TSPAN5: variants seen among roughly 807,000 people sequenced by gnomAD.
TSPAN5 encodes the protein tetraspanin-5.
In TSPAN5, 10 loss-of-function variants were observed where a neutral mutation model predicts 37.1. That is an observed-to-expected ratio of 0.27 (90% CI 0.17 to 0.46). The LOEUF is 0.46. Among genes scored for constraint, TSPAN5 ranks in the 20% least tolerant of loss-of-function variants. The pLI, the probability that TSPAN5 is intolerant of heterozygous loss-of-function variation, is 1.00. For synonymous variants in TSPAN5, 110 were observed against 118.9 expected (o/e 0.93, Z 0.48); for missense variants, 195 against 326.6 (o/e 0.60, Z 3.11).
intron 1 of TSPAN5, among the ~76,000 whole-genome samples, chr4:98,644,561 G>T (rs563193903): frequency 6.6e-6 from 1 of 151,856 alleles, no homozygotes; most frequent in South Asian, 2.1e-4. Context: ...CAATGTGCAG[G>T]TTACATATGT....
chr4:98,623,956 C>G (rs1303572090), intron 1 of TSPAN5, among the ~76,000 whole-genome samples: 2 of 152,046 alleles, frequency 1.3e-5, no homozygotes, highest in East Asian at 3.8e-4. Context: ...TAAGGTAAGC[C>G]TATGTCAGGT....
At chr4:98,536,567 G>A (rs529184590) in intron 1 of TSPAN5, among the ~76,000 whole-genome samples, 12 of 152,364 alleles carry the variant, frequency 7.9e-5, no homozygotes, top group African/African-American at 2.6e-4. Context: ...TGTCAGGCAG[G>A]GACATTTAAG....
At chr4:98,562,240 T>C (rs577453923) in intron 1 of TSPAN5, among the ~76,000 whole-genome samples, 26 of 152,246 alleles carry the variant, frequency 1.7e-4, no homozygotes, top group Non-Finnish European at 3.1e-4. Context: ...AGCATTCTAG[T>C]TGAAACATGC....
At chr4:98,496,215 A>G (rs1341262929) in intron 2 of TSPAN5, 1 of 152,264 alleles carries the variant, frequency 6.6e-6, no homozygotes, top group Non-Finnish European at 1.5e-5. Context: ...AATAGAGACC[A>G]CAGGGCCACA....
intron 1 of TSPAN5, among the ~76,000 whole-genome samples, chr4:98,612,868 G>A (rs1035991305): frequency 7.2e-5 from 11 of 152,160 alleles, no homozygotes; most frequent in East Asian, 1.9e-4. Flanking sequence ...TTTCAGCTGC[G>A]GTCTCACTTC....
intron 2 of TSPAN5, among the ~76,000 whole-genome samples, chr4:98,501,170 T>A (rs1410805906): frequency 6.6e-6 from 1 of 152,210 alleles, no homozygotes; most frequent in Non-Finnish European, 1.5e-5. Context: ...GAGAAGTAAT[T>A]TTCTTCTTTT....
chr4:98,645,003 G>A (rs1369037913), intron 1 of TSPAN5, among the ~76,000 whole-genome samples: 1 of 152,210 alleles, frequency 6.6e-6, no homozygotes, highest in Non-Finnish European at 1.5e-5. Context: ...ATGCCTTGCT[G>A]CAAATTACTT....
chr4:98,653,781 T>A (rs1446743298), intron 1 of TSPAN5, among the ~76,000 whole-genome samples: 1 of 152,226 alleles, frequency 6.6e-6, no homozygotes, highest in Non-Finnish European at 1.5e-5. Context: ...ATCTTTCCTT[T>A]ATAAACAAGA....
chr4:98,507,865 A>G (rs987941291), intron 1 of TSPAN5, 137 bp from the exon 2 acceptor site: 24 of 612,500 alleles, frequency 3.9e-5, no homozygotes, highest in African/African-American at 9.3e-5. Flanking sequence ...TATCTTTACC[A>G]GGAAAATAAA....
intron 3 of TSPAN5, chr4:98,483,996 G>T: frequency 5.6e-6 from 1 of 178,714 alleles, no homozygotes; most frequent in Non-Finnish European, 1.2e-5. Flanking sequence ...ATTATAGCTA[G>T]CATGCATGAG....
chr4:98,622,766 G>GC (rs1183647514), intron 1 of TSPAN5, among the ~76,000 whole-genome samples: 1 of 152,182 alleles, frequency 6.6e-6, no homozygotes, highest in Non-Finnish European at 1.5e-5. Context: ...CAGGTCATGG[G>GC]CATGGAAGAG....
intron 1 of TSPAN5, among the ~76,000 whole-genome samples, chr4:98,591,474 T>C (rs1755630864): frequency 1.2e-5 from 1 of 86,524 alleles, no homozygotes; most frequent in Non-Finnish European, 2.2e-5. Context: ...AGTTATTTTG[T>C]TCAGTATGGT....
intron 1 of TSPAN5, among the ~76,000 whole-genome samples, chr4:98,644,599 C>T (rs114797658): frequency 0.016 from 2,484 of 152,056 alleles, 82 homozygotes; most frequent in African/African-American, 0.057. Context: ...GTGCGCTGCA[C>T]CCACTAACTC....
At chr4:98,529,230 A>G (rs1754026746) in intron 1 of TSPAN5, among the ~76,000 whole-genome samples, 1 of 152,182 alleles carries the variant, frequency 6.6e-6, no homozygotes, top group African/African-American at 2.4e-5. Context: ...AGATGCTAAC[A>G]CTTCTAACCG....
At chr4:98,505,522 T>C (rs1753459254) in intron 2 of TSPAN5, among the ~76,000 whole-genome samples, 1 of 152,214 alleles carries the variant, frequency 6.6e-6, no homozygotes, top group Non-Finnish European at 1.5e-5. Flanking sequence ...TCTGCTCCCA[T>C]GCCACCTCCT....
At chr4:98,552,636 T>C (rs1528547) in intron 1 of TSPAN5, among the ~76,000 whole-genome samples, 120,680 of 151,636 alleles carry the variant, frequency 0.8, 48,802 homozygotes, top group African/African-American at 0.94. Flanking sequence ...TGCTTAAGAC[T>C]TGTCCAGTAA....
At chr4:98,621,006 G>A (rs1351323824) in intron 1 of TSPAN5, among the ~76,000 whole-genome samples, 2 of 152,164 alleles carry the variant, frequency 1.3e-5, no homozygotes, top group Non-Finnish European at 2.9e-5. Flanking sequence ...ATCATTGCAG[G>A]TATACTTAAT....
chr4:98,616,017 C>T (rs142999815), intron 1 of TSPAN5, among the ~76,000 whole-genome samples: 50 of 152,218 alleles, frequency 3.3e-4, no homozygotes, highest in African/African-American at 1.0e-3. Flanking sequence ...CACACCACCC[C>T]GGAGAGTGTT....
intron 1 of TSPAN5, among the ~76,000 whole-genome samples, chr4:98,531,598 T>A (rs1380419333): frequency 1.3e-5 from 2 of 152,216 alleles, no homozygotes; most frequent in African/African-American, 4.8e-5. Context: ...CACTGTTGGG[T>A]CAAATGGTAT....
Sources: gnomAD v4.1 joint callset for allele counts (sites outside exome capture counted in the v4.1 genomes callset) on GRCh38, gnomAD v4.1.1 for gene constraint, MANE v1.5 for transcripts, NCBI Gene and HGNC (gene_info 2026-07-23, HGNC 2026-07-21) for gene names.